Variants in EPHA5 observed in about 807,000 individuals in gnomAD.
EPHA5 encodes ephrin type-A receptor 5.
EPHA5 carries 60 observed loss-of-function variants against 105.0 expected under a neutral mutation model. That is an observed-to-expected ratio of 0.57 (90% confidence interval 0.46 to 0.71). The LOEUF is 0.71. Ranked by LOEUF, EPHA5 falls within the 30% of genes least tolerant of loss-of-function variation. The pLI is 0.00. For synonymous variants in EPHA5, 513 were observed against 449.1 expected (o/e 1.14, Z -1.80); for missense variants, 1,218 against 1,274.7 (o/e 0.96, Z 0.68).
At chr4:65,563,105 T>G (rs1739185643) in intron 3 of EPHA5, among the ~76,000 whole-genome samples, 1 of 152,080 alleles carries the variant, frequency 6.6e-6, no homozygotes, top group African/African-American at 2.4e-5. Flanking sequence ...AAATTCTTTT[T>G]TTTTCTCACT....
At chr4:65,610,248 A>C (rs150933212) in intron 2 of EPHA5, among the ~76,000 whole-genome samples, 1 of 152,292 alleles carries the variant, frequency 6.6e-6, no homozygotes, top group East Asian at 1.9e-4. Flanking sequence ...ATGCAGTTGG[A>C]GGCCATCATC....
Position 65,321,118 on chromosome 4 carries a change from C to G in EPHA5, c.*2996G>C, listed in dbSNP as rs956391497. The G allele has an allele frequency of 8.7e-6, 2 of 230,544 alleles. No individual in the cohort carries two copies. The highest frequency in any genetic ancestry group is 1.7e-5 in the Non-Finnish European group (2 of 116,442). The allele number at this position is 230,544 out of a possible 1,614,324, so 14.3% of individuals were successfully genotyped here. A position where few individuals can be genotyped will look rare whatever the true frequency, so the allele number is the denominator to read the frequency against. The stretch of plus-strand genomic sequence containing the variant: ...TAATTGAGTGACTTCAAGTATCAGT[C>G]TGTTGAAAATTACTCCCTGTACCAA... On this transcript the variant is annotated 3_prime_UTR_variant, in exon 17 of 17. Coordinates refer to ENST00000613740, the MANE Select transcript of EPHA5 (RefSeq NM_001281766.3).
chr4:65,390,562 C>T (rs1720608475), intron 8 of EPHA5, among the ~76,000 whole-genome samples: 2 of 151,952 alleles, frequency 1.3e-5, no homozygotes, highest in Admixed American at 6.6e-5. Flanking sequence ...CCTTACTAAC[C>T]ATCAGTTAGA....
chr4:65,449,961 C>G lies in EPHA5; in HGVS notation c.1403-29396G>C, dbSNP rs948284657. 3.3e-5 allele frequency among the ~76,000 whole-genome samples: 5 copies of G among 152,004 alleles called. No individual in the cohort carries two copies. The East Asian group carries it at 7.7e-4, about 23-fold the overall frequency. On this transcript the variant is annotated intron_variant, in intron 5 of 16. Transcript: ENST00000613740. ...GATTTCCAGTCTTCAGAATCATGAG[C>G]CAATAAATTTCTGTTGGCTAAACCA... is the stretch of plus-strand genomic sequence containing the variant.
At chr4:65,603,587 C>A (rs1362191645) in intron 2 of EPHA5, among the ~76,000 whole-genome samples, 1 of 152,028 alleles carries the variant, frequency 6.6e-6, no homozygotes, top group African/African-American at 2.4e-5. Flanking sequence ...ACAAAGGATG[C>A]AAATAAATCT....
chr4:65,336,372 A>AT (rs1169199269), intron 14 of EPHA5, among the ~76,000 whole-genome samples: 5 of 152,084 alleles, frequency 3.3e-5, no homozygotes, highest in East Asian at 1.9e-4. Context: ...AATGGTAATC[A>AT]TTTTTTCTTA....
At chr4:65,463,737 T>A (rs1728340399) in intron 5 of EPHA5, among the ~76,000 whole-genome samples, 1 of 152,124 alleles carries the variant, frequency 6.6e-6, no homozygotes, top group Admixed American at 6.5e-5. Context: ...TTTTCTCTTG[T>A]CATGTAGTTA....
chr4:65,547,677 A>C (rs1737514548), intron 3 of EPHA5, among the ~76,000 whole-genome samples: 1 of 152,104 alleles, frequency 6.6e-6, no homozygotes, highest in Admixed American at 6.6e-5. Flanking sequence ...TGTTTTGAGA[A>C]ACTTTCCCTA....
intron 5 of EPHA5, among the ~76,000 whole-genome samples, chr4:65,482,868 T>A (rs987706735): frequency 1.0e-3 from 156 of 152,106 alleles, no homozygotes; most frequent in Non-Finnish European, 1.5e-3. Context: ...ATCTTTTTTT[T>A]TTATTATTAT....
intron 5 of EPHA5, among the ~76,000 whole-genome samples, chr4:65,476,669 C>A (rs113517670): frequency 0.011 from 1,700 of 152,052 alleles, 37 homozygotes; most frequent in African/African-American, 0.039. Context: ...ATTCGTATCC[C>A]AAACCTCAGC....
chr4:65,409,626 A>G (rs1212743431), intron 7 of EPHA5, among the ~76,000 whole-genome samples: 1 of 152,206 alleles, frequency 6.6e-6, no homozygotes, highest in Non-Finnish European at 1.5e-5. Context: ...TGCAAGAGCC[A>G]GATTATAAGG....
At chr4:65,375,837 T>C (rs987877765) in intron 8 of EPHA5, among the ~76,000 whole-genome samples, 2 of 151,544 alleles carry the variant, frequency 1.3e-5, no homozygotes, top group African/African-American at 4.8e-5. Context: ...CTTTATACTA[T>C]AGCTTTTACC....
chr4:65,335,904 G>C (rs1001661463), intron 15 of EPHA5, 28 bp downstream of exon 15: 1 of 1,560,208 alleles, frequency 6.4e-7, no homozygotes, highest in East Asian at 2.3e-5. Flanking sequence ...GCTACATTCT[G>C]GAAAATCACT....
Position 65,554,981 on chromosome 4 carries a change from C to CAAAAAAAAA in EPHA5, c.910+46651_910+46659dup, listed in dbSNP as rs71205383. The stretch of plus-strand genomic sequence containing the variant: ...TTATCACTTCACCCCTATACAACAG[C>CAAAAAAAAA]AAAAAAAAAAAAAAAAAAAAAAAAA... On this transcript the variant is annotated intron_variant, in intron 3 of 16. Transcript: ENST00000613740. Among the ~76,000 whole-genome samples the CAAAAAAAAA allele has an allele frequency of 3.1e-4, 29 of 92,572 alleles. 3 individuals are homozygous for CAAAAAAAAA. Among genetic ancestry groups the CAAAAAAAAA allele is most frequent in the African/African-American group, 4.1e-4 (10 of 24,406 alleles). 60.7% of individuals were successfully genotyped at this position (92,572 alleles called of 152,430 possible).
intron 11 of EPHA5, among the ~76,000 whole-genome samples, chr4:65,363,145 A>G (rs868443575): frequency 2.6e-5 from 4 of 151,668 alleles, no homozygotes; most frequent in South Asian, 2.1e-4. Context: ...AAGGTACTTT[A>G]AAATGGACTA....
At chr4:65,608,483 G>C (rs555806347) in intron 2 of EPHA5, among the ~76,000 whole-genome samples, 232 of 150,588 alleles carry the variant, frequency 1.5e-3, no homozygotes, top group Non-Finnish European at 2.3e-3. Flanking sequence ...CAGCTTGGGC[G>C]ACAGAGCGAG....
At chr4:65,498,380 T>A (rs1400245011) in intron 3 of EPHA5, among the ~76,000 whole-genome samples, 1 of 151,924 alleles carries the variant, frequency 6.6e-6, no homozygotes, top group Non-Finnish European at 1.5e-5. Flanking sequence ...GAAAATTGTA[T>A]ATTTTCACAG....
At position 65,486,052 on chromosome 4, in the gene EPHA5, G is replaced by C. The variant is rs115817960; in HGVS notation, c.1402+4325C>G. ...GAAAAGAAAAGAGAAGAGACTAAAA[G>C]TCATCACCATGTCCAGACAGACTTT... On this transcript the variant is annotated intron_variant, in intron 5 of 16. Coordinates refer to ENST00000613740, the MANE Select transcript of EPHA5 (RefSeq NM_001281766.3). 8.1e-3 allele frequency among the ~76,000 whole-genome samples: 1,228 copies of C among 152,230 alleles called. 10 individuals carry two copies. The highest frequency in any genetic ancestry group is 0.012 in the Non-Finnish European group (806 of 68,008).
In EPHA5 at chr4:65,669,797, G is replaced by T; in HGVS notation, c.-55C>A. 1 of 1,234,952 alleles carries T rather than the reference G, an allele frequency of 8.1e-7. No individual in the cohort carries two copies. The allele number at this position is 1,234,952 out of a possible 1,614,324, so 76.5% of individuals were successfully genotyped here. ...CCCGAGCGGCTCAGTCCACCGCTTC[G>T]GCCTCGCAGAGCGGCGAAGGGAGAC... On this transcript the variant is annotated 5_prime_UTR_variant, in exon 1 of 17. Transcript: ENST00000613740.
Sources: gnomAD v4.1 joint callset for allele counts (sites outside exome capture counted in the v4.1 genomes callset) on GRCh38, gnomAD v4.1.1 for gene constraint, MANE v1.5 for transcripts, NCBI Gene and HGNC (gene_info 2026-07-23, HGNC 2026-07-21) for gene names.